Variants in NLN observed in about 807,000 individuals in gnomAD.
NLN encodes the protein neurolysin, mitochondrial.
In NLN, 64 loss-of-function variants were observed where a neutral mutation model predicts 79.9. That is an observed-to-expected ratio of 0.80 (90% CI 0.65 to 0.99). The LOEUF is 0.99. NLN is among the 50% of genes least tolerant of loss of function. NLN has a pLI of 0.00. For synonymous variants in NLN, 267 were observed against 296.6 expected (o/e 0.90, Z 1.02); for missense variants, 835 against 858.7 (o/e 0.97, Z 0.34).
intron 8 of NLN, among the ~76,000 whole-genome samples, chr5:65,791,295 C>A (rs1245962081): frequency 6.6e-6 from 1 of 152,024 alleles, no homozygotes; most frequent in African/African-American, 2.4e-5. Flanking sequence ...CAGTGACTCA[C>A]ACCTATAGTC....
chr5:65,728,297 A>G (rs998371168), intron 1 of NLN, among the ~76,000 whole-genome samples: 1 of 152,118 alleles, frequency 6.6e-6, no homozygotes, highest in Admixed American at 6.5e-5. Context: ...AACATCCCCT[A>G]AAATATAAAT....
intron 12 of NLN, among the ~76,000 whole-genome samples, chr5:65,817,666 A>G (rs777995647): frequency 2.6e-5 from 4 of 152,260 alleles, no homozygotes; most frequent in Non-Finnish European, 5.9e-5. Context: ...ATGAACAAGT[A>G]TCACTTCTGA....
intron 12 of NLN, among the ~76,000 whole-genome samples, chr5:65,813,226 A>G (rs1760593477): frequency 6.6e-6 from 1 of 151,970 alleles, no homozygotes; most frequent in Non-Finnish European, 1.5e-5. Context: ...CTGAAATAAC[A>G]CCTCCAAGGT....
chr5:65,810,202 G>GCTTCACAGAGA, intron 11 of NLN, 37 bp downstream of exon 11: 1 of 1,593,618 alleles, frequency 6.3e-7, no homozygotes, highest in African/African-American at 1.3e-5. Flanking sequence ...ATTTCTCTGT[G>GCTTCACAGAGA]AAGCACAGGG....
chr5:65,771,366 C>G (rs1358158862), intron 3 of NLN, among the ~76,000 whole-genome samples: 4 of 152,088 alleles, frequency 2.6e-5, no homozygotes, highest in Non-Finnish European at 4.4e-5. Context: ...CTCTTTCCAG[C>G]CATTTTGGCG....
At chr5:65,798,486 A>G (rs1049080561) in intron 9 of NLN, among the ~76,000 whole-genome samples, 1 of 152,172 alleles carries the variant, frequency 6.6e-6, no homozygotes, top group Non-Finnish European at 1.5e-5. Flanking sequence ...GAATGAATGC[A>G]TTTATTTATT....
intron 9 of NLN, 166 bp downstream of exon 9, chr5:65,792,821 C>G (rs897639075): frequency 5.8e-6 from 4 of 684,346 alleles, no homozygotes; most frequent in South Asian, 1.5e-5. Flanking sequence ...TGTCCTCTTT[C>G]ACAACATATT....
intron 1 of NLN, among the ~76,000 whole-genome samples, chr5:65,730,446 A>G (rs1330277489): frequency 6.6e-6 from 1 of 152,200 alleles, no homozygotes; most frequent in Non-Finnish European, 1.5e-5. Context: ...TGAGAAAGTA[A>G]AGAGACCATT....
intron 1 of NLN, among the ~76,000 whole-genome samples, chr5:65,725,511 T>C (rs1372969579): frequency 6.6e-6 from 1 of 152,254 alleles, no homozygotes; most frequent in Non-Finnish European, 1.5e-5. Context: ...CACTGTGTTA[T>C]ACAGTTCTTC....
chr5:65,734,178 T>C lies in NLN; in HGVS notation c.41+11764T>C, dbSNP rs1430802110. 6.5e-5 allele frequency among the ~76,000 whole-genome samples: 9 copies of C among 139,470 alleles called. 1 individual carries two copies. The highest frequency in any genetic ancestry group is 1.4e-4 in the Non-Finnish European group (9 of 63,248). The allele number at this position is 139,470 out of a possible 152,430, so 91.5% of individuals were successfully genotyped here. A position where few individuals can be genotyped will look rare whatever the true frequency, so the allele number is the denominator to read the frequency against. On this transcript the variant is annotated intron_variant, in intron 1 of 12. Coordinates refer to ENST00000380985, the MANE Select transcript of NLN (RefSeq NM_020726.5). ...TCCCAAAGTGTAATTTTTGTATTTT[T>C]AGTAGAGACAGGGTTTCACGATGTT... is the stretch of plus-strand genomic sequence containing the variant.
chr5:65,746,205 G>A (rs1382379327), intron 1 of NLN, among the ~76,000 whole-genome samples: 1 of 152,152 alleles, frequency 6.6e-6, no homozygotes, highest in South Asian at 2.1e-4. Flanking sequence ...GGAATCCTGA[G>A]AAGGGGCTAA....
intron 3 of NLN, among the ~76,000 whole-genome samples, chr5:65,772,379 T>C (rs546590561): frequency 6.6e-6 from 1 of 152,246 alleles, no homozygotes; most frequent in Non-Finnish European, 1.5e-5. Flanking sequence ...AATGAAAATG[T>C]ATCTTCATGC....
rs563651196 is a variant in NLN, at chr5:65,788,567, G to A, written c.1325+83G>A. On this transcript the variant is annotated intron_variant, in intron 8 of 12. Transcript: ENST00000380985. ...GACTCTACTCTTGGCCAGGCACAGT[G>A]GCTCATGCCTGTAATCCCAACACTT... is the stretch of plus-strand genomic sequence containing the variant. 10 of 1,370,638 alleles carry A rather than the reference G, an allele frequency of 7.3e-6. No individual in the cohort carries two copies. In the Admixed American group the frequency reaches 9.9e-5, roughly 14 times the overall value. 84.9% of individuals were successfully genotyped at this position (1,370,638 alleles called of 1,614,324 possible).
At chr5:65,784,496 C>T (rs901020977) in intron 6 of NLN, among the ~76,000 whole-genome samples, 1 of 152,070 alleles carries the variant, frequency 6.6e-6, no homozygotes, top group South Asian at 2.1e-4. Flanking sequence ...CAAGGGGCAT[C>T]GGCATTCAGT....
intron 4 of NLN, 100 bp downstream of exon 4, chr5:65,777,634 A>G (rs2056463666): frequency 7.9e-6 from 6 of 761,958 alleles, no homozygotes; most frequent in Non-Finnish European, 1.3e-5. Flanking sequence ...AATGCTCCAC[A>G]GTCTGCAACT....
At chr5:65,787,561 A>G (rs1239656758) in intron 7 of NLN, among the ~76,000 whole-genome samples, 3 of 152,180 alleles carry the variant, frequency 2.0e-5, no homozygotes, top group Non-Finnish European at 4.4e-5. Flanking sequence ...GACCACAGCA[A>G]TATAATTTGT....
chr5:65,758,888 C>T, intron 2 of NLN, 62 bp downstream of exon 2: 1 of 1,411,906 alleles, frequency 7.1e-7, no homozygotes, highest in Non-Finnish European at 9.8e-7. Flanking sequence ...TCATTTCATG[C>T]TTTCTGTCTT....
chr5:65,781,476 G>T (rs889909978), intron 6 of NLN, 55 bp downstream of exon 6: 7 of 1,337,024 alleles, frequency 5.2e-6, no homozygotes, highest in Non-Finnish European at 7.4e-6. Flanking sequence ...TAAGAAAAGG[G>T]TTTACTTTGT....
intron 1 of NLN, among the ~76,000 whole-genome samples, chr5:65,744,883 G>GAGAAA (rs150193602): frequency 0.22 from 34,040 of 151,808 alleles, 3,840 homozygotes; most frequent in Non-Finnish European, 0.25. Context: ...TCAAAAAAAA[G>GAGAAA]AGAAAAGAAA....
Sources: allele counts gnomAD v4.1 joint callset (sites outside exome capture counted in the v4.1 genomes callset), GRCh38; gene constraint gnomAD v4.1.1; transcripts MANE v1.5; gene names NCBI Gene and HGNC (gene_info 2026-07-23, HGNC 2026-07-21).